GTF3C2: variants seen among roughly 807,000 people sequenced by gnomAD.
The protein encoded by GTF3C2 is general transcription factor 3C polypeptide 2.
A neutral mutation model predicts 117.4 loss-of-function variants in GTF3C2; 17 were observed. That is an observed-to-expected ratio of 0.14 (90% CI 0.10 to 0.22). The LOEUF is 0.22. GTF3C2 is among the 10% of genes least tolerant of loss of function. The pLI is 1.00. For missense variants in GTF3C2, 888 were observed against 1,143.6 expected (o/e 0.78, Z 3.22); for synonymous variants, 437 against 427.0 (o/e 1.02, Z -0.29).
At chr2:27,342,540 TATATACTGAC>T (rs1490575344) in intron 3 of GTF3C2, 10 of 548,022 alleles carry the variant, frequency 1.8e-5, no homozygotes, top group East Asian at 3.0e-5. Context: ...GAACAGAATA[TATATACTGAC>T]ATATACTGGA....
chr2:27,338,115 C>T lies in GTF3C2; in HGVS notation c.856-95G>A, dbSNP rs1680563478. On this transcript the variant is annotated intron_variant, in intron 4 of 18. Transcript: ENST00000264720. ...CTTTCCCAGTTTTTATCTTCTTTGGCAATACCTCCCCCTCCAATCACTGCC... is the reference window on the plus strand; with the variant it reads ...CTTTCCCAGTTTTTATCTTCTTTGGTAATACCTCCCCCTCCAATCACTGCC... 5.1e-6 allele frequency: 4 copies of T among 784,994 alleles called. No individual in the cohort carries two copies. In the East Asian group the frequency reaches 9.7e-5, roughly 19 times the overall value. 48.6% of individuals were successfully genotyped at this position (784,994 alleles called of 1,614,324 possible).
chr2:27,349,369 G>C (rs958021196), intron 1 of GTF3C2, among the ~76,000 whole-genome samples: 5 of 146,052 alleles, frequency 3.4e-5, no homozygotes, highest in East Asian at 2.1e-4. Context: ...GGATGGTCTC[G>C]ATCTCCTGAC....
At chr2:27,333,505 T>A in intron 12 of GTF3C2, 150 bp downstream of exon 12, 1 of 612,418 alleles carries the variant, frequency 1.6e-6, no homozygotes, top group Non-Finnish European at 2.9e-6. Context: ...GTCTAGTGAC[T>A]TATTTCTTTC....
Position 27,331,635 on chromosome 2 carries a change from T to C in GTF3C2, c.1732+2020A>G, listed in dbSNP as rs184421019. ...CCACCACACTTGGCCAATAACACTG[T>C]CATTTAAAAATAACAATCTAGGCCA... On this transcript the variant is annotated intron_variant, in intron 12 of 18. Transcript: ENST00000264720. Among the ~76,000 whole-genome samples, 353 of 152,166 alleles carry C rather than the reference T, an allele frequency of 2.3e-3. 2 individuals are homozygous for C. Among genetic ancestry groups the C allele is most frequent in the African/African-American group, 6.0e-3 (250 of 41,526 alleles).
intron 1 of GTF3C2, among the ~76,000 whole-genome samples, chr2:27,354,757 G>GT (rs973891861): frequency 1.3e-5 from 2 of 151,916 alleles, no homozygotes; most frequent in South Asian, 2.1e-4. Context: ...GAAGATTCCG[G>GT]TTTTTTTTAA....
intron 1 of GTF3C2, among the ~76,000 whole-genome samples, chr2:27,347,595 G>A (rs916175261): frequency 3.9e-5 from 6 of 152,190 alleles, no homozygotes; most frequent in Non-Finnish European, 8.8e-5. Context: ...AGGATAGAAA[G>A]ATGAAGAGTA....
rs568205864 is a variant in GTF3C2 at position 27,326,913 on chromosome 2, CAA to C, written c.2518-22_2518-21del. The C allele has an allele frequency of 4.2e-4, 634 of 1,522,262 alleles. No homozygotes were observed. The African/African-American group carries it at 6.5e-3, about 16-fold the overall frequency. 94.3% of individuals were successfully genotyped at this position (1,522,262 alleles called of 1,614,324 possible). On this transcript the variant is annotated intron_variant, in intron 18 of 18. Transcript: ENST00000264720. The stretch of plus-strand genomic sequence containing the variant: ...ACGTACCTGTGAAGAGAACAGAAAA[CAA>C]GAGAGAGATGCTCATGGGTGGTGCT...
At chr2:27,333,715 G>A in exon 12 of GTF3C2, 1 of 1,610,582 alleles carries the variant, frequency 6.2e-7, no homozygotes, top group Non-Finnish European at 8.5e-7. Context: ...GCCAGGCTAA[G>A]GCACTGACCA....
exon 6 of GTF3C2, chr2:27,337,544 T>C: frequency 6.2e-7 from 1 of 1,609,556 alleles, no homozygotes; most frequent in East Asian, 2.2e-5. Flanking sequence ...CCAGTATGAA[T>C]GTTTCTGCTC....
chr2:27,334,460 C>T (rs1025695597), intron 10 of GTF3C2, among the ~76,000 whole-genome samples: 1 of 152,048 alleles, frequency 6.6e-6, no homozygotes, highest in African/African-American at 2.4e-5. Context: ...CAGAACACTG[C>T]TCATTCTGTT....
At chr2:27,328,468 A>G in exon 16 of GTF3C2, 8 of 1,614,110 alleles carry the variant, frequency 5.0e-6, no homozygotes, top group Non-Finnish European at 6.8e-6. Flanking sequence ...GTATACGTAC[A>G]AATCTTCGCT....
chr2:27,331,881 G>A lies in GTF3C2; in HGVS notation c.1732+1774C>T, dbSNP rs1391407194. 3.3e-5 allele frequency among the ~76,000 whole-genome samples: 5 copies of A among 152,260 alleles called. No homozygotes were observed. In the East Asian group the frequency reaches 9.7e-4, roughly 30 times the overall value. On this transcript the variant is annotated intron_variant, in intron 12 of 18. Coordinates refer to ENST00000264720, the Ensembl canonical transcript of GTF3C2. ...TTGAGCCCAGGAAGTCCAGGACGCA[G>A]TGAGCCAAGATCTTGCCACTGCACT...
At chr2:27,348,389 G>A (rs1268495985) in intron 1 of GTF3C2, among the ~76,000 whole-genome samples, 1 of 148,794 alleles carries the variant, frequency 6.7e-6, no homozygotes, top group African/African-American at 2.5e-5. Context: ...GCAGTGAGCA[G>A]AGATCGCGTT....
chr2:27,354,678 C>T lies in GTF3C2; in HGVS notation c.-25+2061G>A, dbSNP rs1426135883. Reference sequence around the variant, plus strand: ...GCTGAGACAGGAGAATCACTTGAACCCAAGAGGCAGAGGGAGAGGTTGCAG... The same window carrying T: ...GCTGAGACAGGAGAATCACTTGAACTCAAGAGGCAGAGGGAGAGGTTGCAG... On this transcript the variant is annotated intron_variant, in intron 1 of 18. Coordinates refer to ENST00000264720, the Ensembl canonical transcript of GTF3C2. 2.0e-5 allele frequency among the ~76,000 whole-genome samples: 3 copies of T among 152,008 alleles called. No individual in the cohort carries two copies. The East Asian group carries it at 5.8e-4, about 29-fold the overall frequency.
chr2:27,354,055 TAAAAAAA>T (rs11399437), intron 1 of GTF3C2, among the ~76,000 whole-genome samples: 1 of 117,176 alleles, frequency 8.5e-6, no homozygotes, highest in Non-Finnish European at 1.8e-5. Context: ...AGCAAAACAT[TAAAAAAA>T]AAAAAAAAAA....
chr2:27,356,204 A>T, intron 1 of GTF3C2: 1 of 763,594 alleles, frequency 1.3e-6, no homozygotes, highest in South Asian at 1.4e-5. Context: ...GGGAAACACA[A>T]CTGGCCCTTG....
chr2:27,331,191 C>T (rs920470892), intron 12 of GTF3C2, among the ~76,000 whole-genome samples: 2 of 152,062 alleles, frequency 1.3e-5, no homozygotes, highest in Non-Finnish European at 2.9e-5. Flanking sequence ...AGAACAGCAT[C>T]GAGAATCATG....
chr2:27,337,628 G>A lies in GTF3C2; in HGVS notation c.951-70C>T, dbSNP rs1680538905. On this transcript the variant is annotated intron_variant, in intron 5 of 18. Coordinates refer to ENST00000264720, the Ensembl canonical transcript of GTF3C2. ...GCCGCACAGTCCAATAAAACTTTCT[G>A]TGGGGATGGAAATGATCCATTATCT... is the stretch of plus-strand genomic sequence containing the variant. 2.9e-6 allele frequency: 3 copies of A among 1,051,278 alleles called. No individual in the cohort carries two copies. The Admixed American group carries it at 5.1e-5, about 18-fold the overall frequency. 65.1% of individuals were successfully genotyped at this position (1,051,278 alleles called of 1,614,324 possible). A position where few individuals can be genotyped will look rare whatever the true frequency, so the allele number is the denominator to read the frequency against.
chr2:27,333,961 G>C lies in GTF3C2; in HGVS notation c.1602+13C>G, dbSNP rs765949144. The C allele has an allele frequency of 6.3e-7, 1 of 1,598,642 alleles. No individual in the cohort carries two copies. The highest frequency in any genetic ancestry group is 1.7e-5 in the Admixed American group (1 of 59,946). On this transcript the variant is annotated intron_variant, in intron 11 of 18. Coordinates refer to ENST00000264720, the Ensembl canonical transcript of GTF3C2. Reference sequence around the variant, plus strand: ...GATGGAGCCTCAGCTAAGGTAGCAGGTTCCTCACTCACCTTATATATGGCA... The same window carrying C: ...GATGGAGCCTCAGCTAAGGTAGCAGCTTCCTCACTCACCTTATATATGGCA...
Sources: allele counts gnomAD v4.1 joint callset (sites outside exome capture counted in the v4.1 genomes callset), GRCh38; gene constraint gnomAD v4.1.1; transcripts MANE v1.5; gene names NCBI Gene and HGNC (gene_info 2026-07-23, HGNC 2026-07-21).